The following CROCC2 variants were observed in gnomAD, a reference collection of about 807,000 sequenced individuals.
CROCC2 encodes ciliary rootlet coiled-coil, rootletin family member 2, also known as ciliary rootlet coiled-coil protein 2.
A neutral mutation model predicts 177.6 loss-of-function variants in CROCC2; 163 were observed. The observed-to-expected ratio is 0.92, with a 90% CI of 0.81 to 1.05. CROCC2 has a LOEUF of 1.05. CROCC2 is among the 50% of genes least tolerant of loss of function. The pLI, the probability that CROCC2 is intolerant of heterozygous loss-of-function variation, is 0.00. For synonymous variants in CROCC2, 904 were observed against 787.3 expected, an observed-to-expected ratio of 1.15 and a Z score of -2.48; for missense variants, 1,929 against 1,797.8, an observed-to-expected ratio of 1.07 and a Z score of -1.32.
At position 240,953,420 on chromosome 2, in the gene CROCC2, C is replaced by A. The variant is rs375584804; in HGVS notation, c.2830-2439C>A. Among the ~76,000 whole-genome samples the A allele has an allele frequency of 2.3e-4, 33 of 146,630 alleles. No homozygotes were observed. The highest frequency in any genetic ancestry group is 3.0e-4 in the African/African-American group (12 of 40,022). On this transcript the variant is annotated intron_variant, in intron 18 of 31. Coordinates refer to ENST00000690015, the MANE Select transcript of CROCC2 (RefSeq NM_001351305.2). This position sits in a 1 kb window ranked among gnomAD's most constrained non-coding sequence, Gnocchi z 4.0. The stretch of plus-strand genomic sequence containing the variant: ...TGGGTGACAGAGTGAGACTCTGTCT[C>A]AAAAAAAAAAACAGGAGCACAGGCT...
At chr2:240,988,896 A>G (rs188731392) in intron 29 of CROCC2, 26 bp downstream of exon 29, 1 of 1,421,082 alleles carries the variant, frequency 7.0e-7, no homozygotes, top group South Asian at 1.6e-5. Context: ...GGAGCTCTGC[A>G]TACCCCAGGC....
chr2:240,989,793 A>T lies in CROCC2; in HGVS notation c.4823A>T (p.Glu1608Val). ...PQATQALESQEWTHQQQVKVL... is the reference protein window; with the variant it reads ...PQATQALESQVWTHQQQVKVL... The stretch of plus-strand genomic sequence containing the variant: ...GCCACGCAGGCCCTGGAGTCCCAAG[A>T]ATGGACCCACCAGCAGCAGGTAAAG... The change falls in exon 30 of 32, where the codon GAA becomes GTA. Residue 1608 changes from glutamate to valine, a missense_variant. By Grantham distance (121) the Glu-to-Val change is moderately radical. This residue lies in a region of CROCC2 where 388 missense variants were observed against 352.7 expected (regional missense o/e 1.10). Transcript: ENST00000690015. 6.5e-7 allele frequency: 1 copy of T among 1,549,478 alleles called. No homozygotes were observed. Among genetic ancestry groups the T allele is most frequent in the Non-Finnish European group, 8.7e-7 (1 of 1,146,260 alleles).
chr2:240,932,616 G>C, intron 8 of CROCC2, 86 bp from the exon 9 acceptor site: 3 of 709,474 alleles, frequency 4.2e-6, no homozygotes, highest in Non-Finnish European at 7.9e-6. Flanking sequence ...AGCCCGCAGG[G>C]ACCCTCAGGA....
At chr2:240,988,585 G>A (rs2106494671) in intron 28 of CROCC2, among the ~76,000 whole-genome samples, 154 bp from the exon 29 acceptor site, 1 of 152,274 alleles carries the variant, frequency 6.6e-6, no homozygotes, top group South Asian at 2.1e-4. Context: ...GAGGCCAGGG[G>A]TCCTGGCCCA....
Position 240,959,401 on chromosome 2 carries a change from G to A in CROCC2, c.3044G>A (p.Ser1015Asn). 1 of 1,550,532 alleles carries A rather than the reference G, an allele frequency of 6.4e-7. No homozygotes were observed. Among genetic ancestry groups the A allele is most frequent in the Non-Finnish European group, 8.7e-7 (1 of 1,146,908 alleles). ...HQRETTALRE[S>N]LQDLAAERGD... ...AGGGAGACCACGGCCCTACGCGAGAGCCTCCAGGACCTAGCGGCTGAGCGG... is the reference window on the plus strand; with the variant it reads ...AGGGAGACCACGGCCCTACGCGAGAACCTCCAGGACCTAGCGGCTGAGCGG... The change falls in exon 20 of 32, where the codon AGC becomes AAC. Residue 1015 changes from serine (S) to asparagine (N), a missense_variant. This residue lies in a region of CROCC2 where 1,397 missense variants were observed against 1,239.9 expected (regional missense o/e 1.13). Transcript: ENST00000690015.
chr2:240,917,517 C>T lies in CROCC2; in HGVS notation c.79-1209C>T, dbSNP rs186416006. Among the ~76,000 whole-genome samples, 1 of 152,254 alleles carries T rather than the reference C, an allele frequency of 6.6e-6. No individual in the cohort carries two copies. Among genetic ancestry groups the T allele is most frequent in the African/African-American group, 2.4e-5 (1 of 41,550 alleles). On this transcript the variant is annotated intron_variant, in intron 1 of 31. Coordinates refer to ENST00000690015, the MANE Select transcript of CROCC2 (RefSeq NM_001351305.2). This position sits in a 1 kb window ranked among gnomAD's most constrained non-coding sequence, Gnocchi z 4.9. ...CAAGAGATGGGAGGCAGGAGGCAGCCAGGTGGTCACCCACGTGGACCCTGG... is the reference window on the plus strand; with the variant it reads ...CAAGAGATGGGAGGCAGGAGGCAGCTAGGTGGTCACCCACGTGGACCCTGG...
At chr2:240,975,477 C>G (rs1404006384) in intron 27 of CROCC2, among the ~76,000 whole-genome samples, 4 of 152,186 alleles carry the variant, frequency 2.6e-5, no homozygotes, top group Non-Finnish European at 5.9e-5. Flanking sequence ...CCATCGTCGC[C>G]CAGTGGATAA....
intron 1 of CROCC2, among the ~76,000 whole-genome samples, chr2:240,914,823 C>T (rs1044075255): frequency 6.6e-6 from 1 of 152,160 alleles, no homozygotes; most frequent in African/African-American, 2.4e-5. Context: ...GGCCAGTGAC[C>T]CTTGGGTCTG....
intron 27 of CROCC2, among the ~76,000 whole-genome samples, chr2:240,975,995 T>G (rs893191605): frequency 3.3e-5 from 5 of 152,154 alleles, no homozygotes; most frequent in Admixed American, 2.0e-4. Flanking sequence ...CCTCCCAAAG[T>G]GCTGGGATTA....
At chr2:240,991,841 T>A (rs1477246098) in intron 31 of CROCC2, among the ~76,000 whole-genome samples, 1 of 152,184 alleles carries the variant, frequency 6.6e-6, no homozygotes, top group Non-Finnish European at 1.5e-5. Flanking sequence ...TGGGAAACAT[T>A]TCCACCAACC....
At chr2:240,967,671 AGAG>A (rs1489600604) in intron 26 of CROCC2, 7 of 777,240 alleles carry the variant, frequency 9.0e-6, no homozygotes, top group African/African-American at 1.9e-5. Context: ...TCCCCAGCAC[AGAG>A]GAGTGACGTC....
intron 30 of CROCC2, 23 bp from the exon 31 acceptor site, chr2:240,991,173 C>G (rs963718332): frequency 6.6e-7 from 1 of 1,521,108 alleles, no homozygotes; most frequent in Non-Finnish European, 8.9e-7. Flanking sequence ...CCCACCTGAC[C>G]TGAGCCACTG....
chr2:240,912,178 C>T (rs537256054), intron 1 of CROCC2, among the ~76,000 whole-genome samples: 9 of 152,354 alleles, frequency 5.9e-5, no homozygotes, highest in African/African-American at 1.9e-4. Context: ...ACTCATACCA[C>T]TTTTAACACC....
chr2:240,944,226 T>C (rs1470402951), intron 14 of CROCC2, among the ~76,000 whole-genome samples: 1 of 152,246 alleles, frequency 6.6e-6, no homozygotes, highest in Non-Finnish European at 1.5e-5. Context: ...TTTCCCTTTG[T>C]TTTTTAAAAA....
chr2:240,950,725 A>C, intron 18 of CROCC2: 1 of 514,088 alleles, frequency 1.9e-6, no homozygotes. Flanking sequence ...CCATCCACCC[A>C]TCCACTTGCC....
rs909036277 is a variant in CROCC2, at chr2:240,918,609, G to A, written c.79-117G>A. The A allele has an allele frequency of 1.0e-5, 5 of 477,606 alleles. No homozygotes were observed. The South Asian group carries it at 1.8e-4, about 17-fold the overall frequency. 29.6% of individuals were successfully genotyped at this position (477,606 alleles called of 1,614,324 possible). On this transcript the variant is annotated intron_variant, in intron 1 of 31. Coordinates refer to ENST00000690015, the MANE Select transcript of CROCC2 (RefSeq NM_001351305.2). This position sits in a 1 kb window ranked among gnomAD's most constrained non-coding sequence, Gnocchi z 6.3. ...GCCCAGCCTCACCCTGTCCTCTCCA[G>A]GGCACTCTGCTGCCTTGGGGTGGCC...
Position 240,906,456 on chromosome 2 carries a change from G to A in CROCC2, c.-58G>A, listed in dbSNP as rs777519322. On this transcript the variant is annotated 5_prime_UTR_variant, in exon 1 of 32. Coordinates refer to ENST00000690015, the MANE Select transcript of CROCC2 (RefSeq NM_001351305.2). ...CCAAGGAAGACCCTGGCCAGTTGGA[G>A]GAGAACTGCCAGGTAGCAAAGCCCA... The A allele has an allele frequency of 2.5e-5, 10 of 398,872 alleles. No homozygotes were observed. The highest frequency in any genetic ancestry group is 4.4e-5 in the Admixed American group (1 of 22,722). 24.7% of individuals were successfully genotyped at this position (398,872 alleles called of 1,614,324 possible).
At chr2:240,967,639 A>T (rs2059692067) in intron 26 of CROCC2, 174 bp downstream of exon 26, 1 of 946,858 alleles carries the variant, frequency 1.1e-6, no homozygotes, top group African/African-American at 1.8e-5. Context: ...AGCGCTTGGC[A>T]TCGGAGTTCT....
chr2:240,966,107 A>G (rs1057021117), intron 24 of CROCC2, 114 bp downstream of exon 24: 2 of 1,266,582 alleles, frequency 1.6e-6, no homozygotes, highest in Non-Finnish European at 2.0e-6. Context: ...AGGCAATTGT[A>G]GGAACCTGTG....
Sources: allele counts gnomAD v4.1 joint callset (sites outside exome capture counted in the v4.1 genomes callset), GRCh38; gene constraint gnomAD v4.1.1; regional missense constraint gnomAD v4.1.1; non-coding constraint Gnocchi (gnomAD v3.1); transcripts MANE v1.5; gene names NCBI Gene and HGNC (gene_info 2026-07-23, HGNC 2026-07-21).